The following CNNM2 variants were observed in gnomAD, a reference collection of about 807,000 sequenced individuals.
CNNM2 encodes the protein metal transporter CNNM2.
Under a neutral mutation model 66.9 loss-of-function variants are expected in CNNM2, and 12 were observed. The ratio of observed to expected loss-of-function variants is 0.18; its 90% CI spans 0.11 to 0.29. The LOEUF (loss-of-function observed/expected upper bound fraction) is 0.29. CNNM2 is among the 10% of genes least tolerant of loss of function. CNNM2 has a pLI of 1.00. For missense variants in CNNM2, 705 were observed against 1,167.7 expected (o/e 0.60, Z 5.77); for synonymous variants, 557 against 501.8 (o/e 1.11, Z -1.47).
At chr10:103,069,404 C>T (rs1054364012) in intron 5 of CNNM2, among the ~76,000 whole-genome samples, 1 of 152,198 alleles carries the variant, frequency 6.6e-6, no homozygotes, top group Non-Finnish European at 1.5e-5. Context: ...TACTCCCAAC[C>T]TGTGCTGTGT....
chr10:102,937,418 T>C (rs559224133), intron 1 of CNNM2, among the ~76,000 whole-genome samples: 2 of 152,230 alleles, frequency 1.3e-5, no homozygotes, highest in South Asian at 4.1e-4. Flanking sequence ...CAACTAGATC[T>C]GTACTTTTAA....
intron 2 of CNNM2, among the ~76,000 whole-genome samples, chr10:103,053,521 A>G (rs2065249385): frequency 6.6e-6 from 1 of 152,170 alleles, no homozygotes; most frequent in Non-Finnish European, 1.5e-5. Flanking sequence ...GTCTTAAGAA[A>G]AGAAAAGAAA....
chr10:103,014,693 C>G (rs1372123399), intron 1 of CNNM2, among the ~76,000 whole-genome samples: 3 of 152,086 alleles, frequency 2.0e-5, no homozygotes, highest in Admixed American at 6.6e-5. Flanking sequence ...GACTGATGCT[C>G]AAGCGCTTTT....
chr10:102,979,982 C>T (rs969615175), intron 1 of CNNM2, among the ~76,000 whole-genome samples: 3 of 151,622 alleles, frequency 2.0e-5, no homozygotes, highest in Non-Finnish European at 2.9e-5. Flanking sequence ...GGGGTGATCT[C>T]GGCTCACTGC....
intron 1 of CNNM2, among the ~76,000 whole-genome samples, chr10:102,995,147 T>C (rs1564836941): frequency 1.5e-4 from 8 of 53,840 alleles, no homozygotes; most frequent in African/African-American, 2.8e-4. Context: ...TTATTCTTCC[T>C]CCTCCCCCTC....
intron 4 of CNNM2, among the ~76,000 whole-genome samples, chr10:103,065,067 A>T (rs922404024): frequency 6.6e-6 from 1 of 152,042 alleles, no homozygotes; most frequent in African/African-American, 2.4e-5. Context: ...CCTGCCTGGG[A>T]TCCTGTCTGG....
chr10:102,934,007 CT>C (rs34063291), intron 1 of CNNM2, among the ~76,000 whole-genome samples: 52,786 of 135,072 alleles, frequency 0.39, 9,610 homozygotes, highest in East Asian at 0.52. Context: ...CTTATTTTAA[CT>C]TTTTTTTTTT....
rs1048407346 is a variant in CNNM2 at position 103,080,757 on chromosome 10, A to G, written c.*3577A>G. 1.3e-5 allele frequency: 2 copies of G among 152,256 alleles called. No homozygotes were observed. Among genetic ancestry groups the G allele is most frequent in the African/African-American group, 4.8e-5 (2 of 41,474 alleles). 9.4% of individuals were successfully genotyped at this position (152,256 alleles called of 1,614,324 possible). On this transcript the variant is annotated 3_prime_UTR_variant, in exon 8 of 8. Coordinates refer to ENST00000369878, the MANE Select transcript of CNNM2 (RefSeq NM_017649.5). The stretch of plus-strand genomic sequence containing the variant: ...GGACCAGCTTTTCCAAGCCTAGGAA[A>G]ATAATGGTAGATACAAATAGAAATA...
intron 1 of CNNM2, among the ~76,000 whole-genome samples, chr10:102,986,736 C>T (rs1053932395): frequency 5.4e-5 from 8 of 147,542 alleles, no homozygotes; most frequent in East Asian, 2.0e-4. Context: ...CCCGAGATTG[C>T]GCCACTGCAC....
intron 1 of CNNM2, among the ~76,000 whole-genome samples, chr10:102,985,902 A>G (rs2063790282): frequency 6.6e-6 from 1 of 152,298 alleles, no homozygotes; most frequent in South Asian, 2.1e-4. Context: ...AGTATTATCC[A>G]TCAGCTTGGA....
chr10:103,083,001 CTGCCTATCTGGGCTCTTAATA>C lies in CNNM2; in HGVS notation c.*5827_*5847del, dbSNP rs1410345594. On this transcript the variant is annotated 3_prime_UTR_variant, in exon 8 of 8. Transcript: ENST00000369878. ...CATCTTTCTGGATAATGGAAGCTGC[CTGCCTATCTGGGCTCTTAATA>C]TGCCTTTTCTTGGTTTTGAGGCCCA... 1 of 152,188 alleles carries C rather than the reference CTGCCTATCTGGGCTCTTAATA, an allele frequency of 6.6e-6. No individual in the cohort carries two copies. The highest frequency in any genetic ancestry group is 1.5e-5 in the Non-Finnish European group (1 of 68,044). The allele number at this position is 152,188 out of a possible 1,614,324, so 9.4% of individuals were successfully genotyped here.
intron 1 of CNNM2, among the ~76,000 whole-genome samples, chr10:103,011,905 C>G (rs915547022): frequency 6.6e-6 from 1 of 151,920 alleles, no homozygotes; most frequent in Non-Finnish European, 1.5e-5. Flanking sequence ...GTTGGCCAAG[C>G]TGGTCTTGAA....
intron 1 of CNNM2, chr10:102,927,643 A>T: frequency 2.2e-6 from 1 of 446,436 alleles, no homozygotes. Flanking sequence ...TGGGTGCTTG[A>T]ATTCCCAGCT....
Position 103,054,523 on chromosome 10 carries a change from C to T in CNNM2, c.1903+57C>T. ...TACCAACCCTGAAGCGTGTTTCTCA[C>T]CCACCACTGACTGGGGTGGGTTGGG... On this transcript the variant is annotated intron_variant, in intron 3 of 7. Coordinates refer to ENST00000369878, the MANE Select transcript of CNNM2 (RefSeq NM_017649.5). The surrounding 1 kb of genome is among the most constrained non-coding windows in gnomAD (Gnocchi z 5.2). The T allele has an allele frequency of 6.3e-7, 1 of 1,579,708 alleles. No homozygotes were observed. Among genetic ancestry groups the T allele is most frequent in the South Asian group, 1.1e-5 (1 of 87,200 alleles).
At chr10:102,974,838 T>C (rs2063600772) in intron 1 of CNNM2, among the ~76,000 whole-genome samples, 1 of 152,168 alleles carries the variant, frequency 6.6e-6, no homozygotes, top group Non-Finnish European at 1.5e-5. Flanking sequence ...TGCCCATGAA[T>C]CCTATTTTAT....
intron 1 of CNNM2, among the ~76,000 whole-genome samples, chr10:102,945,412 A>G (rs1261771232): frequency 2.6e-5 from 4 of 152,218 alleles, no homozygotes; most frequent in Non-Finnish European, 5.9e-5. Flanking sequence ...GACAAAACAA[A>G]TACAGTATAA....
intron 1 of CNNM2, among the ~76,000 whole-genome samples, chr10:102,936,057 G>T (rs760780420): frequency 2.6e-5 from 4 of 151,456 alleles, no homozygotes; most frequent in Admixed American, 2.0e-4. Context: ...CTGAGAGGGA[G>T]AATGTTTTCC....
chr10:103,046,165 T>C (rs1395944100), intron 1 of CNNM2, among the ~76,000 whole-genome samples: 1 of 152,260 alleles, frequency 6.6e-6, no homozygotes, highest in African/African-American at 2.4e-5. Flanking sequence ...GTAACAATTA[T>C]GAGGCTGGCT....
At position 103,088,241 on chromosome 10, in the gene CNNM2, A is replaced by G. The variant is rs1455425406; in HGVS notation, c.*11061A>G. ...TGACAAGAATGGAAGAAAATATACA[A>G]TGGTTAAAGAAAGAGTCTATAACCA... On this transcript the variant is annotated 3_prime_UTR_variant, in exon 8 of 8. Transcript: ENST00000369878. The G allele has an allele frequency of 3.3e-5, 5 of 152,230 alleles. No homozygotes were observed. Among genetic ancestry groups the G allele is most frequent in the African/African-American group, 1.2e-4 (5 of 41,468 alleles). The allele number at this position is 152,230 out of a possible 1,614,324, so 9.4% of individuals were successfully genotyped here. A position where few individuals can be genotyped will look rare whatever the true frequency, so the allele number is the denominator to read the frequency against.
Sources: gnomAD v4.1 joint callset for allele counts (sites outside exome capture counted in the v4.1 genomes callset) on GRCh38, gnomAD v4.1.1 for gene constraint, Gnocchi (gnomAD v3.1) non-coding constraint, MANE v1.5 for transcripts, NCBI Gene and HGNC (gene_info 2026-07-23, HGNC 2026-07-21) for gene names.